AMELY: variants seen among roughly 807,000 people sequenced by gnomAD.
AMELY encodes the protein amelogenin Y-linked.
Under a neutral mutation model 4.2 loss-of-function variants are expected in AMELY, and 4 were observed. The ratio of observed to expected loss-of-function variants is 0.96; its 90% CI spans 0.47 to 2.19. The LOEUF (loss-of-function observed/expected upper bound fraction) is 2.19, where lower values mean the gene tolerates loss of function less well. AMELY is among the 30% of genes most tolerant of loss of function. The probability of loss-of-function intolerance (pLI) is 0.02; values close to 1 mark genes in which losing one functional copy is unlikely to be tolerated. For missense variants in AMELY, 32 were observed against 41.5 expected, an observed-to-expected ratio of 0.77 and a Z score of 0.63; for synonymous variants, 11 against 14.7, an observed-to-expected ratio of 0.75 and a Z score of 0.57.
chrY:6,895,422 C>CCT (rs2054085602), intron 1 of AMELY, among the ~76,000 whole-genome samples: 2 of 33,442 alleles, frequency 6.0e-5, no homozygotes, highest in African/African-American at 1.2e-4. Flanking sequence ...CTTGTGTAAG[C>CCT]TGACTCTTAG....
chrY:6,871,996 A>AAC (rs2054068446), intron 3 of AMELY, among the ~76,000 whole-genome samples: 1 of 30,423 alleles, frequency 3.3e-5, no homozygotes, highest in Admixed American at 3.1e-4. Flanking sequence ...ACAACAACAA[A>AAC]AAAACCTACA....
intron 1 of AMELY, among the ~76,000 whole-genome samples, chrY:6,891,394 G>A (rs2054082920): frequency 3.0e-5 from 1 of 33,816 alleles, no homozygotes; most frequent in Admixed American, 2.7e-4. Context: ...CCCCCAGATT[G>A]CTCAATGAAT....
At chrY:6,896,550 A>G (rs897329928) in intron 1 of AMELY, among the ~76,000 whole-genome samples, 4 of 33,806 alleles carry the variant, frequency 1.2e-4, no homozygotes, top group South Asian at 1.3e-3. Context: ...AGACATACAA[A>G]GTGGTCTGGG....
At chrY:6,892,475 T>TC (rs761297040) in intron 1 of AMELY, among the ~76,000 whole-genome samples, 660 of 33,182 alleles carry the variant, frequency 0.02, no homozygotes, top group Non-Finnish European at 0.038. Context: ...ACGTAGCAGA[T>TC]CAAGCAGCTC....
intron 1 of AMELY, among the ~76,000 whole-genome samples, chrY:6,883,376 T>A: frequency 3.1e-5 from 1 of 32,072 alleles, no homozygotes; most frequent in Non-Finnish European, 7.6e-5. Context: ...TTCTCACACA[T>A]AAGTGGGATT....
chrY:6,902,637 G>A (rs2054090048), intron 1 of AMELY, among the ~76,000 whole-genome samples: 1 of 30,906 alleles, frequency 3.2e-5, no homozygotes, highest in Non-Finnish European at 7.8e-5. Context: ...TTCAACCTCC[G>A]CCTCCCGGGT....
intron 1 of AMELY, among the ~76,000 whole-genome samples, chrY:6,894,069 C>A: frequency 3.0e-5 from 1 of 33,243 alleles, no homozygotes; most frequent in African/African-American, 1.2e-4. Flanking sequence ...CCAATTAAGC[C>A]TTTAACTGAT....
chrY:6,911,214 G>T (rs2011689882), intron 1 of AMELY, among the ~76,000 whole-genome samples: 1 of 34,844 alleles, frequency 2.9e-5, no homozygotes, highest in Non-Finnish European at 7.3e-5. Flanking sequence ...CGTGCGCGCC[G>T]TGTGGGGAGT....
intron 6 of AMELY, among the ~76,000 whole-genome samples, chrY:6,867,558 T>C: frequency 3.0e-5 from 1 of 32,862 alleles, no homozygotes; most frequent in Non-Finnish European, 7.5e-5. Context: ...GAAACCTTCG[T>C]ATAGGTTTTT....
intron 1 of AMELY, among the ~76,000 whole-genome samples, chrY:6,892,978 G>A (rs1002461662): frequency 1.2e-4 from 4 of 33,695 alleles, no homozygotes; most frequent in Non-Finnish European, 2.9e-4. Flanking sequence ...TCCTTACCAG[G>A]CTGGGTTTTT....
At chrY:6,885,212 A>C in intron 1 of AMELY, among the ~76,000 whole-genome samples, 1 of 34,050 alleles carries the variant, frequency 2.9e-5, no homozygotes, top group East Asian at 7.8e-4. Flanking sequence ...AGATGCAGTG[A>C]CTCATGCCTG....
At position 6,868,228 on chromosome Y, in the gene AMELY, A is replaced by C; in HGVS notation, c.382T>G (p.Phe128Val). ...PNLPLPAQQP[F>V]QPQPVQPQPH... ...TGTGGCTGAACAGGCTGGGGCTGGA[A>C]GGGCTGCTGGGCAGGCAGAGGGAGG... The change falls in exon 6 of 7, where the codon TTC becomes GTC. Residue 128 changes from phenylalanine to valine, a missense_variant. Physicochemically the swap from Phe to Val is conservative, Grantham distance 50 (BLOSUM62 -1). Coordinates refer to ENST00000651267, the MANE Select transcript of AMELY (RefSeq NM_001143.2). 2.5e-6 allele frequency: 1 copy of C among 395,614 alleles called. No individual in the cohort carries two copies. Among genetic ancestry groups the C allele is most frequent in the Admixed American group, 7.7e-5 (1 of 13,063 alleles).
chrY:6,903,445 T>C (rs765275524), intron 1 of AMELY, among the ~76,000 whole-genome samples: 1 of 33,397 alleles, frequency 3.0e-5, no homozygotes, highest in Non-Finnish European at 7.4e-5. Context: ...CCTTGATTCC[T>C]GGACCCATGA....
intron 1 of AMELY, among the ~76,000 whole-genome samples, chrY:6,901,531 C>T (rs2054089461): frequency 3.0e-5 from 1 of 33,280 alleles, no homozygotes; most frequent in African/African-American, 1.2e-4. Flanking sequence ...TTTGGCACTC[C>T]CTTAAACTTG....
chrY:6,876,367 C>T (rs2054071882), intron 1 of AMELY, among the ~76,000 whole-genome samples: 1 of 33,392 alleles, frequency 3.0e-5, no homozygotes, highest in Non-Finnish European at 7.4e-5. Context: ...ATATGTACAA[C>T]TTCCATGGAG....
chrY:6,874,901 TTTA>T (rs2054071025), intron 1 of AMELY, among the ~76,000 whole-genome samples: 1 of 33,731 alleles, frequency 3.0e-5, no homozygotes, highest in South Asian at 6.5e-4. Flanking sequence ...CATTTATGAT[TTTA>T]TTTTATATCT....
chrY:6,905,488 CTT>C (rs2011660307), intron 1 of AMELY, among the ~76,000 whole-genome samples: 1 of 27,409 alleles, frequency 3.6e-5, no homozygotes. Context: ...CTTTCTTTCT[CTT>C]TCTTTCTTTC....
intron 1 of AMELY, among the ~76,000 whole-genome samples, chrY:6,880,162 C>T (rs2054074253): frequency 3.0e-5 from 1 of 33,040 alleles, no homozygotes; most frequent in South Asian, 7.0e-4. Flanking sequence ...TTGATTCTTC[C>T]TACCCATGAG....
At chrY:6,885,774 G>C in intron 1 of AMELY, among the ~76,000 whole-genome samples, 2 of 34,366 alleles carry the variant, frequency 5.8e-5, no homozygotes, top group Non-Finnish European at 1.5e-4. Flanking sequence ...TGCAGAAACA[G>C]AAAACTAAAT....
Sources: gnomAD v4.1 joint callset for allele counts (sites outside exome capture counted in the v4.1 genomes callset) on GRCh38, gnomAD v4.1.1 for gene constraint, MANE v1.5 for transcripts, NCBI Gene and HGNC (gene_info 2026-07-23, HGNC 2026-07-21) for gene names.